The following TSPEAR variants were observed in gnomAD, a reference collection of about 807,000 sequenced individuals.
TSPEAR encodes thrombospondin type laminin G domain and EAR repeats.
A neutral mutation model predicts 71.6 loss-of-function variants in TSPEAR; 69 were observed. The observed-to-expected ratio is 0.96, with a 90% confidence interval of 0.79 to 1.18. The LOEUF (loss-of-function observed/expected upper bound fraction) is 1.18, where lower values mean the gene tolerates loss of function less well. Ranked by LOEUF, TSPEAR falls within the 50% of genes most tolerant of loss-of-function variation. The pLI is 0.00. For missense variants in TSPEAR, 971 were observed against 894.9 expected (o/e 1.09, Z -1.09); for synonymous variants, 402 against 387.2 (o/e 1.04, Z -0.45).
chr21:44,680,677 G>T (rs983977958), intron 1 of TSPEAR, among the ~76,000 whole-genome samples: 3 of 152,152 alleles, frequency 2.0e-5, no homozygotes, highest in Non-Finnish European at 4.4e-5. Flanking sequence ...AGAAACTGTG[G>T]TATATATTTA....
intron 8 of TSPEAR, among the ~76,000 whole-genome samples, chr21:44,524,628 TAGTC>T (rs1175251817): frequency 4.0e-5 from 6 of 151,674 alleles, no homozygotes; most frequent in East Asian, 1.9e-4. Context: ...GTCAGTCAGG[TAGTC>T]AGTCATCAGT....
chr21:44,703,431 C>T (rs1371225373), intron 1 of TSPEAR, among the ~76,000 whole-genome samples: 1 of 152,222 alleles, frequency 6.6e-6, no homozygotes, highest in African/African-American at 2.4e-5. Flanking sequence ...CTGGTGCCCC[C>T]ATGCCTCCCT....
chr21:44,670,771 G>A (rs1569250523), intron 1 of TSPEAR, among the ~76,000 whole-genome samples: 1 of 152,170 alleles, frequency 6.6e-6, no homozygotes, highest in Non-Finnish European at 1.5e-5. Flanking sequence ...GCCATTTTGA[G>A]AGCCCAGCCC....
At chr21:44,709,771 C>G (rs875125) in intron 1 of TSPEAR, among the ~76,000 whole-genome samples, 1 of 152,228 alleles carries the variant, frequency 6.6e-6, no homozygotes, top group Non-Finnish European at 1.5e-5. Flanking sequence ...AGAGCGAGCG[C>G]GCGCCTGTGC....
At chr21:44,636,055 TG>T (rs144273533) in intron 1 of TSPEAR, among the ~76,000 whole-genome samples, 5,102 of 152,266 alleles carry the variant, frequency 0.034, 309 homozygotes, top group African/African-American at 0.12. Context: ...CCTGTTTTAG[TG>T]GTAAGGACTT....
intron 2 of TSPEAR, among the ~76,000 whole-genome samples, chr21:44,566,587 T>C (rs2053706303): frequency 6.6e-6 from 1 of 152,134 alleles, no homozygotes; most frequent in Non-Finnish European, 1.5e-5. Context: ...GACTCATAGT[T>C]CCCAATTTAA....
intron 1 of TSPEAR, chr21:44,575,173 G>A (rs2146089829): frequency 1.2e-6 from 1 of 824,848 alleles, no homozygotes; most frequent in Non-Finnish European, 1.9e-6. Flanking sequence ...ACTCAATGCT[G>A]CAGCCCTCTT....
At chr21:44,699,822 C>A (rs1987566160) in intron 1 of TSPEAR, among the ~76,000 whole-genome samples, 1 of 152,238 alleles carries the variant, frequency 6.6e-6, no homozygotes, top group Non-Finnish European at 1.5e-5. Context: ...CGAAGGGAAG[C>A]TGCATCTGGG....
intron 11 of TSPEAR, among the ~76,000 whole-genome samples, chr21:44,502,232 C>T (rs2052046122): frequency 6.6e-6 from 1 of 152,326 alleles, no homozygotes; most frequent in Admixed American, 6.5e-5. Flanking sequence ...CTCAGATGTG[C>T]TCGTTAAATT....
At position 44,636,734 on chromosome 21, in the gene TSPEAR, A is replaced by G. The variant is rs587655876; in HGVS notation, c.83-68729T>C. On this transcript the variant is annotated intron_variant, in intron 1 of 11. Transcript: ENST00000323084. ...ACCCTGACCTGCACCCGCCCCTCTC[A>G]GGACACCTGACCAGGGCTCCAGGGG... Among the ~76,000 whole-genome samples the G allele has an allele frequency of 3.7e-4, 57 of 152,098 alleles. No homozygotes were observed. The South Asian group carries it at 7.7e-3, about 20-fold the overall frequency.
chr21:44,683,321 C>T (rs781007441), intron 1 of TSPEAR, among the ~76,000 whole-genome samples: 2 of 152,116 alleles, frequency 1.3e-5, no homozygotes, highest in South Asian at 2.1e-4. Context: ...AAACATGATA[C>T]AGCTCAGAGT....
intron 5 of TSPEAR, among the ~76,000 whole-genome samples, chr21:44,529,163 C>T (rs1555915376): frequency 1.3e-5 from 2 of 152,200 alleles, no homozygotes; most frequent in Non-Finnish European, 2.9e-5. Flanking sequence ...AACCCTGAGG[C>T]TCGGGGGCTC....
rs587739827 is a variant in TSPEAR, at chr21:44,638,309, C to T, written c.83-70304G>A. 1.5e-3 allele frequency: 1,088 copies of T among 711,760 alleles called. 15 individuals carry two copies. The African/African-American group carries it at 0.019, about 12-fold the overall frequency. 44.1% of individuals were successfully genotyped at this position (711,760 alleles called of 1,614,324 possible). A position where few individuals can be genotyped will look rare whatever the true frequency, so the allele number is the denominator to read the frequency against. ...TTTGTCTTGGGGACCAGGATGCTCC[C>T]CCAGTCCTTCCCAGATGATGGCTGC... On this transcript the variant is annotated intron_variant, in intron 1 of 11. Coordinates refer to ENST00000323084, the MANE Select transcript of TSPEAR (RefSeq NM_144991.3).
Position 44,498,224 on chromosome 21 carries a change from G to A in TSPEAR, c.*1559C>T, listed in dbSNP as rs2051965560. On this transcript the variant is annotated 3_prime_UTR_variant, in exon 12 of 12. Transcript: ENST00000323084. ...GCAAAGGGAAAGGCAGCTTCCTGCA[G>A]GACTCAGCTTTCAGCTTTTTTCTTC... 6.6e-6 allele frequency: 1 copy of A among 152,334 alleles called. No homozygotes were observed. Among genetic ancestry groups the A allele is most frequent in the African/African-American group, 2.4e-5 (1 of 41,466 alleles). 9.4% of individuals were successfully genotyped at this position (152,334 alleles called of 1,614,324 possible).
intron 1 of TSPEAR, among the ~76,000 whole-genome samples, chr21:44,691,357 G>C (rs1987117470): frequency 6.6e-6 from 1 of 152,142 alleles, no homozygotes; most frequent in Admixed American, 6.5e-5. Context: ...ACTCACAGCT[G>C]ACTTTCTCTA....
intron 1 of TSPEAR, among the ~76,000 whole-genome samples, chr21:44,650,851 C>G (rs1423829421): frequency 2.0e-5 from 3 of 152,168 alleles, no homozygotes; most frequent in African/African-American, 7.2e-5. Flanking sequence ...CCACAGAGAT[C>G]CCCAGAGGTG....
At chr21:44,624,710 C>G (rs1390749558) in intron 1 of TSPEAR, among the ~76,000 whole-genome samples, 1 of 152,216 alleles carries the variant, frequency 6.6e-6, no homozygotes, top group South Asian at 2.1e-4. Context: ...ATCCCTCCTC[C>G]TTGTCAGGTC....
intron 2 of TSPEAR, chr21:44,539,264 G>C (rs2053154715): frequency 6.3e-7 from 1 of 1,594,952 alleles, no homozygotes; most frequent in Non-Finnish European, 8.5e-7. Flanking sequence ...CAGGGCGGGT[G>C]CCCATCAGCA....
intron 1 of TSPEAR, among the ~76,000 whole-genome samples, chr21:44,680,484 C>T (rs782429272): frequency 1.3e-5 from 2 of 152,162 alleles, no homozygotes; most frequent in African/African-American, 4.8e-5. Context: ...AAACGGTATA[C>T]AGATTTCTCA....
Sources: gnomAD v4.1 joint callset for allele counts (sites outside exome capture counted in the v4.1 genomes callset) on GRCh38, gnomAD v4.1.1 for gene constraint, MANE v1.5 for transcripts, NCBI Gene and HGNC (gene_info 2026-07-23, HGNC 2026-07-21) for gene names.